The following CFHR2 variants were observed in gnomAD, a reference collection of about 807,000 sequenced individuals.
The protein encoded by CFHR2 is complement factor H-related protein 2.
Under a neutral mutation model 21.7 loss-of-function variants are expected in CFHR2, and 22 were observed. The observed-to-expected ratio is 1.01, with a 90% CI of 0.72 to 1.45. The LOEUF is 1.45. CFHR2 is among the 40% of genes most tolerant of loss of function. CFHR2 has a pLI of 0.00. For synonymous variants in CFHR2, 98 were observed against 97.4 expected (o/e 1.01, Z -0.04); for missense variants, 294 against 293.3 (o/e 1.00, Z -0.02).
chr1:196,954,069 G>A (rs1652768854), intron 3 of CFHR2, among the ~76,000 whole-genome samples: 1 of 152,156 alleles, frequency 6.6e-6, no homozygotes, highest in African/African-American at 2.4e-5. Flanking sequence ...TAATGGAAAG[G>A]TTCAAAAAAC....
intron 4 of CFHR2, 103 bp downstream of exon 4, chr1:196,958,176 C>A (rs1036555249): frequency 8.6e-7 from 1 of 1,168,948 alleles, no homozygotes; most frequent in Non-Finnish European, 1.2e-6. Context: ...AACAAGCATT[C>A]TGCTGAATGC....
chr1:196,959,024 T>C lies in CFHR2; in HGVS notation c.757T>C (p.Phe253Leu), dbSNP rs760804213. The C allele has an allele frequency of 6.2e-7, 1 of 1,612,610 alleles. No individual in the cohort carries two copies. Among genetic ancestry groups the C allele is most frequent in the East Asian group, 2.2e-5 (1 of 44,724 alleles). ...ATATCATCCAACAAAATCTCATTCA[T>C]TTCGAGCAATGTGTCAGAATGGGAA... Reference protein sequence around the residue: ...SGYHPTKSHSFRAMCQNGKLV... With the variant: ...SGYHPTKSHSLRAMCQNGKLV... Residue 253 changes from phenylalanine (F) to leucine (L), a missense_variant, in exon 5 of 5, where the codon TTT becomes CTT. Physicochemically the swap from Phe to Leu is conservative, Grantham distance 22. Coordinates refer to ENST00000367415, the MANE Select transcript of CFHR2 (RefSeq NM_005666.4).
At chr1:196,946,594 A>G (rs775520187) in intron 1 of CFHR2, among the ~76,000 whole-genome samples, 15 of 152,170 alleles carry the variant, frequency 9.9e-5, no homozygotes, top group Non-Finnish European at 1.5e-4. Context: ...ACACAAACAC[A>G]CATATTAACC....
In CFHR2 at chr1:196,958,068, G is replaced by A. The variant is rs1190604922; in HGVS notation, c.608G>A (p.Cys203Tyr). The part of the protein sequence containing the change: ...RNGQWSEPPK[C>Y]LDPCVISQEI... ...GGACAATGGTCAGAACCACCAAAATGCTTAGGTAAGTACTTTAATATTCTC... is the reference window on the plus strand; with the variant it reads ...GGACAATGGTCAGAACCACCAAAATACTTAGGTAAGTACTTTAATATTCTC... The change falls in exon 4 of 5, where the codon TGC (cysteine) becomes TAC (tyrosine). Residue 203 changes from cysteine to tyrosine, a missense_variant. Cys to Tyr is a radical substitution (Grantham distance 194, BLOSUM62 -2). Coordinates refer to ENST00000367415, the MANE Select transcript of CFHR2 (RefSeq NM_005666.4). 1 of 1,612,820 alleles carries A rather than the reference G, an allele frequency of 6.2e-7. No homozygotes were observed. Among genetic ancestry groups the A allele is most frequent in the Non-Finnish European group, 8.5e-7 (1 of 1,179,002 alleles).
chr1:196,949,671 T>C, intron 2 of CFHR2, 22 bp downstream of exon 2: 1 of 1,612,232 alleles, frequency 6.2e-7, no homozygotes, highest in Non-Finnish European at 8.5e-7. Flanking sequence ...CCCTGTTCAT[T>C]AAATGGATGT....
intron 3 of CFHR2, 44 bp downstream of exon 3, chr1:196,951,072 T>C: frequency 6.2e-7 from 1 of 1,602,560 alleles, no homozygotes; most frequent in Non-Finnish European, 8.5e-7. Flanking sequence ...TATTATAAAG[T>C]GTAAAAGAAA....
Position 196,959,202 on chromosome 1 carries a change from T to C in CFHR2, c.*122T>C. The stretch of plus-strand genomic sequence containing the variant: ...TTTTATTCATAAATAAAGTTTTGTG[T>C]TGATTTGTGAAAATGCAATTACAAT... On this transcript the variant is annotated 3_prime_UTR_variant, in exon 5 of 5. Coordinates refer to ENST00000367415, the MANE Select transcript of CFHR2 (RefSeq NM_005666.4). 1 of 772,864 alleles carries C rather than the reference T, an allele frequency of 1.3e-6. No individual in the cohort carries two copies. The highest frequency in any genetic ancestry group is 2.0e-6 in the Non-Finnish European group (1 of 496,420). The allele number at this position is 772,864 out of a possible 1,614,324, so 47.9% of individuals were successfully genotyped here.
intron 2 of CFHR2, among the ~76,000 whole-genome samples, chr1:196,950,375 A>T (rs910565013): frequency 6.6e-6 from 1 of 152,228 alleles, no homozygotes; most frequent in Admixed American, 6.5e-5. Context: ...ATATTTCATC[A>T]TATATATAGT....
chr1:196,948,059 A>ATTT (rs777365129), intron 1 of CFHR2, among the ~76,000 whole-genome samples: 1 of 151,952 alleles, frequency 6.6e-6, no homozygotes, highest in African/African-American at 2.4e-5. Flanking sequence ...GATTTCACCC[A>ATTT]TTTTCTACAT....
In CFHR2 at chr1:196,958,033, A is replaced by G. The variant is rs1288948103; in HGVS notation, c.573A>G (p.Thr191=). ...AACTTGAGGGTAACAATCAAATAAC[A>G]TGTAGAAACGGACAATGGTCAGAAC... is the stretch of plus-strand genomic sequence containing the variant. ...LYQLEGNNQI[T]CRNGQWSEPP... The change falls in exon 4 of 5, where the codon ACA becomes ACG. Residue 191 remains threonine, a synonymous_variant. Transcript: ENST00000367415. The G allele has an allele frequency of 4.3e-6, 7 of 1,613,584 alleles. No individual in the cohort carries two copies. The highest frequency in any genetic ancestry group is 1.7e-5 in the Admixed American group (1 of 59,970).
At chr1:196,956,524 T>A (rs945567664) in intron 3 of CFHR2, among the ~76,000 whole-genome samples, 4 of 152,162 alleles carry the variant, frequency 2.6e-5, no homozygotes. Context: ...ATTCTAAAGT[T>A]CTCTAAGCTC....
At chr1:196,951,121 G>C (rs750058442) in intron 3 of CFHR2, 93 bp downstream of exon 3, 48 of 1,410,788 alleles carry the variant, frequency 3.4e-5, no homozygotes, top group Non-Finnish European at 4.3e-5. Context: ...GTTAAATATA[G>C]GTTTTGCCAC....
intron 1 of CFHR2, among the ~76,000 whole-genome samples, chr1:196,947,137 G>A (rs1659535603): frequency 6.6e-6 from 1 of 151,922 alleles, no homozygotes; most frequent in African/African-American, 2.4e-5. Context: ...GTATGTGTGT[G>A]TGTGTGTGTG....
intron 1 of CFHR2, among the ~76,000 whole-genome samples, chr1:196,948,541 G>T (rs1323670433): frequency 6.6e-6 from 1 of 152,062 alleles, no homozygotes; most frequent in Non-Finnish European, 1.5e-5. Flanking sequence ...CTCCCAAAGT[G>T]CTGGGATTAC....
intron 1 of CFHR2, among the ~76,000 whole-genome samples, chr1:196,947,976 A>T (rs1659575277): frequency 1.3e-5 from 2 of 152,174 alleles, no homozygotes; most frequent in African/African-American, 4.8e-5. Flanking sequence ...TTGTTAATAA[A>T]ATATAAAGTC....
At chr1:196,946,385 A>T (rs1258113497) in intron 1 of CFHR2, among the ~76,000 whole-genome samples, 1 of 152,210 alleles carries the variant, frequency 6.6e-6, no homozygotes, top group Admixed American at 6.5e-5. Context: ...CTTTTCTTCG[A>T]TAATAAATTA....
At chr1:196,954,129 G>C (rs1244696067) in intron 3 of CFHR2, among the ~76,000 whole-genome samples, 5 of 152,162 alleles carry the variant, frequency 3.3e-5, no homozygotes, top group African/African-American at 4.8e-5. Flanking sequence ...TACCCATTTG[G>C]TAAAATTGGG....
At chr1:196,958,126 GA>G in intron 4 of CFHR2, 53 bp downstream of exon 4, 2 of 1,527,480 alleles carry the variant, frequency 1.3e-6, no homozygotes, top group South Asian at 2.3e-5. Flanking sequence ...TGATGAGTCT[GA>G]TATTTCACTG....
Position 196,959,134 on chromosome 1 carries a change from A to G in CFHR2, c.*54A>G. The G allele has an allele frequency of 8.2e-7, 1 of 1,225,872 alleles. No homozygotes were observed. Among genetic ancestry groups the G allele is most frequent in the South Asian group, 1.4e-5 (1 of 70,874 alleles). The allele number at this position is 1,225,872 out of a possible 1,614,324, so 75.9% of individuals were successfully genotyped here. The stretch of plus-strand genomic sequence containing the variant: ...CACACCTTTTTCTGAATTTACTATT[A>G]TATTTGTTTTCAATTTCATTTTTCA... On this transcript the variant is annotated 3_prime_UTR_variant, in exon 5 of 5. Coordinates refer to ENST00000367415, the MANE Select transcript of CFHR2 (RefSeq NM_005666.4).
Sources: gnomAD v4.1 joint callset for allele counts (sites outside exome capture counted in the v4.1 genomes callset) on GRCh38, gnomAD v4.1.1 for gene constraint, MANE v1.5 for transcripts, NCBI Gene and HGNC (gene_info 2026-07-23, HGNC 2026-07-21) for gene names.